PIK3R1: variants seen among roughly 807,000 people sequenced by gnomAD.
The protein encoded by PIK3R1 is phosphoinositide-3-kinase regulatory subunit 1.
Under a neutral mutation model 98.0 loss-of-function variants are expected in PIK3R1, and 29 were observed. The ratio of observed to expected loss-of-function variants is 0.30; its 90% CI spans 0.22 to 0.40. The LOEUF is 0.40. Ranked by LOEUF, PIK3R1 falls within the 10% of genes least tolerant of loss-of-function variation. PIK3R1 has a pLI of 1.00. For synonymous variants in PIK3R1, 282 were observed against 311.8 expected (o/e 0.90, Z 1.01); for missense variants, 596 against 872.7 (o/e 0.68, Z 3.99).
chr5:68,283,290 A>G (rs1348351790), intron 7 of PIK3R1, among the ~76,000 whole-genome samples: 1 of 152,226 alleles, frequency 6.6e-6, no homozygotes, highest in Non-Finnish European at 1.5e-5. Context: ...TCTAATTATT[A>G]CCAGATAGAA....
intron 1 of PIK3R1, among the ~76,000 whole-genome samples, chr5:68,223,120 CTCAATCATCATCATCATCATCATCA>C (rs1561255701): frequency 1.7e-5 from 2 of 117,214 alleles, no homozygotes; most frequent in African/African-American, 7.6e-5. Context: ...TGTGTACAAA[CTCAATCATCATCATCATCATCATCA>C]TCATCATCAT....
intron 2 of PIK3R1, among the ~76,000 whole-genome samples, chr5:68,234,009 T>A (rs2111991841): frequency 6.6e-6 from 1 of 152,374 alleles, no homozygotes; most frequent in African/African-American, 2.4e-5. Context: ...AAGTTATAAC[T>A]GTGAATTTAT....
At chr5:68,260,790 G>A (rs1745709422) in intron 2 of PIK3R1, among the ~76,000 whole-genome samples, 1 of 152,106 alleles carries the variant, frequency 6.6e-6, no homozygotes, top group South Asian at 2.1e-4. Flanking sequence ...ATGATTTATA[G>A]AAGCCAAATT....
At position 68,222,928 on chromosome 5, in the gene PIK3R1, C is replaced by T. The variant is rs138631105; in HGVS notation, c.-386-3362C>T. Among the ~76,000 whole-genome samples, 624 of 152,108 alleles carry T rather than the reference C, an allele frequency of 4.1e-3. 5 individuals carry two copies. The highest frequency in any genetic ancestry group is 8.9e-3 in the African/African-American group (370 of 41,472). On this transcript the variant is annotated intron_variant, in intron 1 of 15. Transcript: ENST00000521381. ...CCTCTTCGCAATTGCTAAGTATTAT[C>T]GTGACAGAGATATTTTCTGTCCTAT... is the stretch of plus-strand genomic sequence containing the variant.
chr5:68,284,422 C>T (rs552417847), intron 7 of PIK3R1, among the ~76,000 whole-genome samples: 9 of 152,164 alleles, frequency 5.9e-5, no homozygotes, highest in African/African-American at 2.2e-4. Context: ...GAGAAAGGTG[C>T]CTTTGTATGA....
intron 2 of PIK3R1, 99 bp from the exon 3 acceptor site, chr5:68,273,290 CG>C: frequency 9.1e-7 from 1 of 1,104,882 alleles, no homozygotes; most frequent in Non-Finnish European, 1.4e-6. Context: ...TCTTCTTGCT[CG>C]GGCCTGATGT....
At chr5:68,217,779 T>G (rs1310625431) in intron 1 of PIK3R1, 1 of 152,220 alleles carries the variant, frequency 6.6e-6, no homozygotes, top group East Asian at 1.9e-4. Flanking sequence ...ACTGCTTGCC[T>G]CTTCAGCTTT....
In PIK3R1 at chr5:68,295,400, T is replaced by C; in HGVS notation, c.1746-20T>C. On this transcript the variant is annotated intron_variant, in intron 13 of 15. Coordinates refer to ENST00000521381, the MANE Select transcript of PIK3R1 (RefSeq NM_181523.3). ...ATTCAGGATGAGTTAATGCGTTCTC[T>C]TTTCAAAACTGTTTTTCAGGTGGTT... 6.2e-7 allele frequency: 1 copy of C among 1,614,148 alleles called. No individual in the cohort carries two copies. The highest frequency in any genetic ancestry group is 8.5e-7 in the Non-Finnish European group (1 of 1,179,964).
At position 68,226,885 on chromosome 5, in the gene PIK3R1, G is replaced by A. The variant is rs149852476; in HGVS notation, c.210G>A (p.Pro70=). The A allele has an allele frequency of 6.9e-5, 111 of 1,614,008 alleles. No individual in the cohort carries two copies. The Middle Eastern group carries it at 1.3e-3, about 19-fold the overall frequency. ...NETTGERGDF[P]GTYVEYIGRK... ...CCACAGGGGAAAGGGGGGACTTTCCGGGAACTTACGTAGAATATATTGGAA... is the reference window on the plus strand; with the variant it reads ...CCACAGGGGAAAGGGGGGACTTTCCAGGAACTTACGTAGAATATATTGGAA... Residue 70 remains proline, a synonymous_variant, in exon 2 of 16, where the codon CCG becomes CCA. Coordinates refer to ENST00000521381, the MANE Select transcript of PIK3R1 (RefSeq NM_181523.3).
At chr5:68,283,523 G>C (rs1315630541) in intron 7 of PIK3R1, among the ~76,000 whole-genome samples, 3 of 152,152 alleles carry the variant, frequency 2.0e-5, no homozygotes, top group Non-Finnish European at 4.4e-5. Context: ...GGTACAATTT[G>C]AATAGGCAAA....
chr5:68,283,536 A>C (rs1035664482), intron 7 of PIK3R1, among the ~76,000 whole-genome samples: 2 of 152,260 alleles, frequency 1.3e-5, no homozygotes, highest in East Asian at 3.8e-4. Context: ...TAGGCAAAGG[A>C]GAAATAGCAT....
In PIK3R1 at chr5:68,279,652, G is replaced by A. The variant is rs765008592; in HGVS notation, c.553G>A (p.Ala185Thr). The stretch of plus-strand genomic sequence containing the variant: ...GATCGATGTGCACGTTTTGGCTGAC[G>A]CTTTCAAACGCTATCTCCTGGACTT... ...EMIDVHVLAD[A>T]FKRYLLDLPN... The change falls in exon 5 of 16, where the codon GCT becomes ACT. Residue 185 changes from alanine to threonine, a missense_variant. Ala to Thr is a moderately conservative substitution (Grantham distance 58, BLOSUM62 0). Transcript: ENST00000521381. 9.3e-6 allele frequency: 15 copies of A among 1,613,786 alleles called. No individual in the cohort carries two copies. Among genetic ancestry groups the A allele is most frequent in the Admixed American group, 3.3e-5 (2 of 60,024 alleles).
chr5:68,293,508 C>CAGTT (rs1222314295), intron 10 of PIK3R1, 25 bp downstream of exon 10: 2 of 1,546,012 alleles, frequency 1.3e-6, no homozygotes, highest in Non-Finnish European at 8.9e-7. Flanking sequence ...ATGAATTATC[C>CAGTT]AGTTACGATG....
At position 68,296,071 on chromosome 5, in the gene PIK3R1, G is replaced by A. The variant is rs982112347; in HGVS notation, c.1815-100G>A. On this transcript the variant is annotated intron_variant, in intron 14 of 15. Coordinates refer to ENST00000521381, the MANE Select transcript of PIK3R1 (RefSeq NM_181523.3). ...GGCCAGTCTGACTGGCTTGGTAGGG[G>A]CCAGGAGGGAAGTGACGGGGGTATG... The A allele has an allele frequency of 1.4e-5, 16 of 1,166,662 alleles. No individual in the cohort carries two copies. In the Admixed American group the frequency reaches 2.4e-4, roughly 17 times the overall value. The allele number at this position is 1,166,662 out of a possible 1,614,324, so 72.3% of individuals were successfully genotyped here. A position where few individuals can be genotyped will look rare whatever the true frequency, so the allele number is the denominator to read the frequency against.
chr5:68,281,035 CTCAT>C (rs776372557), intron 7 of PIK3R1, 29 bp downstream of exon 7: 11 of 1,467,044 alleles, frequency 7.5e-6, no homozygotes, highest in Non-Finnish European at 9.4e-6. Flanking sequence ...TTAACATTCT[CTCAT>C]TGTTCATTTT....
intron 1 of PIK3R1, among the ~76,000 whole-genome samples, chr5:68,220,789 G>C (rs1443333259): frequency 5.3e-5 from 8 of 152,144 alleles, no homozygotes; most frequent in Admixed American, 5.2e-4. Context: ...TCTATTATTT[G>C]GGGTTAATCT....
chr5:68,295,124 C>T, intron 12 of PIK3R1, 24 bp from the exon 13 acceptor site: 1 of 1,604,472 alleles, frequency 6.2e-7, no homozygotes, highest in Non-Finnish European at 8.5e-7. Context: ...CAGATAATAA[C>T]AAATACGTTT....
intron 2 of PIK3R1, among the ~76,000 whole-genome samples, chr5:68,238,317 A>G (rs1744741588): frequency 6.6e-6 from 1 of 152,216 alleles, no homozygotes; most frequent in African/African-American, 2.4e-5. Flanking sequence ...TTGTTTAGTG[A>G]TAAACAGGAA....
At chr5:68,221,287 A>T (rs1287729490) in intron 1 of PIK3R1, among the ~76,000 whole-genome samples, 1 of 152,348 alleles carries the variant, frequency 6.6e-6, no homozygotes, top group African/African-American at 2.4e-5. Flanking sequence ...CTTGATTTTC[A>T]TGATTTCTGG....
Sources: gnomAD v4.1 joint callset for allele counts (sites outside exome capture counted in the v4.1 genomes callset) on GRCh38, gnomAD v4.1.1 for gene constraint, MANE v1.5 for transcripts, NCBI Gene and HGNC (gene_info 2026-07-23, HGNC 2026-07-21) for gene names.